Variants in NELL1 observed in about 807,000 individuals in gnomAD.
NELL1 encodes protein kinase C-binding protein NELL1.
In NELL1, 76 loss-of-function variants were observed where a neutral mutation model predicts 107.4. The ratio of observed to expected loss-of-function variants is 0.71; its 90% CI spans 0.59 to 0.86. The LOEUF is 0.86. Ranked by LOEUF, NELL1 falls within the 40% of genes least tolerant of loss-of-function variation. The probability of loss-of-function intolerance (pLI) is 0.00; values close to 1 mark genes in which losing one functional copy is unlikely to be tolerated. For missense variants in NELL1, 1,024 were observed against 1,005.5 expected, an observed-to-expected ratio of 1.02 and a Z score of -0.25; for synonymous variants, 353 against 341.2, an observed-to-expected ratio of 1.03 and a Z score of -0.38.
At chr11:21,335,612 C>A (rs542936184) in intron 14 of NELL1, among the ~76,000 whole-genome samples, 42 of 152,120 alleles carry the variant, frequency 2.8e-4, no homozygotes, top group Non-Finnish European at 5.6e-4. Flanking sequence ...GCAGATGGAT[C>A]CCCACTGTCA....
intron 14 of NELL1, among the ~76,000 whole-genome samples, chr11:21,246,932 A>G (rs1198363285): frequency 6.6e-6 from 1 of 152,206 alleles, no homozygotes; most frequent in Admixed American, 6.5e-5. Flanking sequence ...AACCGCCCCC[A>G]TGATTCAATT....
intron 4 of NELL1, among the ~76,000 whole-genome samples, chr11:20,855,008 A>G (rs549652307): frequency 1.3e-5 from 2 of 152,342 alleles, no homozygotes; most frequent in East Asian, 3.9e-4. Flanking sequence ...TGACCATTAC[A>G]GTGTTGGATA....
chr11:20,706,218 A>G (rs540048827), intron 2 of NELL1, among the ~76,000 whole-genome samples: 5 of 152,274 alleles, frequency 3.3e-5, no homozygotes, highest in African/African-American at 9.6e-5. Flanking sequence ...ACATGCACAC[A>G]TATGTTTATT....
intron 3 of NELL1, among the ~76,000 whole-genome samples, chr11:20,838,108 C>T (rs1848565504): frequency 6.6e-6 from 1 of 151,804 alleles, no homozygotes; most frequent in Non-Finnish European, 1.5e-5. Flanking sequence ...AGAATGCATT[C>T]TTAGATACGA....
chr11:21,452,179 C>T (rs1853604447), intron 15 of NELL1, among the ~76,000 whole-genome samples: 1 of 53,286 alleles, frequency 1.9e-5, no homozygotes, highest in Non-Finnish European at 3.5e-5. Context: ...GAGATTTTCA[C>T]ATATAAAATC....
chr11:20,688,180 CT>C (rs143780997), intron 2 of NELL1, among the ~76,000 whole-genome samples: 31,614 of 151,460 alleles, frequency 0.21, 3,600 homozygotes, highest in African/African-American at 0.27. Flanking sequence ...TGAGAGAGAA[CT>C]TTTTTTTTAT....
chr11:20,716,902 T>C (rs1216433206), intron 2 of NELL1, among the ~76,000 whole-genome samples: 1 of 147,922 alleles, frequency 6.8e-6, no homozygotes, highest in Non-Finnish European at 1.5e-5. Flanking sequence ...CAAAATTATC[T>C]AAATGGCATA....
At chr11:21,016,633 G>A (rs746461904) in intron 12 of NELL1, among the ~76,000 whole-genome samples, 6 of 151,958 alleles carry the variant, frequency 3.9e-5, no homozygotes, top group Non-Finnish European at 5.9e-5. Flanking sequence ...CCCACCAGCC[G>A]ATAAACTCCT....
intron 13 of NELL1, among the ~76,000 whole-genome samples, chr11:21,119,331 A>G (rs1001165240): frequency 1.3e-5 from 2 of 151,318 alleles, no homozygotes; most frequent in Non-Finnish European, 2.9e-5. Flanking sequence ...AAGGCAATGC[A>G]TTACACAGAA....
chr11:20,738,958 G>A (rs1256406752), intron 2 of NELL1, among the ~76,000 whole-genome samples: 2 of 152,240 alleles, frequency 1.3e-5, no homozygotes, highest in Admixed American at 6.5e-5. Flanking sequence ...AGAGATACAA[G>A]TAGGGCTCTT....
At chr11:21,287,808 ACTAT>A (rs1849158410) in intron 14 of NELL1, among the ~76,000 whole-genome samples, 1 of 148,318 alleles carries the variant, frequency 6.7e-6, no homozygotes, top group Admixed American at 6.9e-5. Context: ...CTCTATATAC[ACTAT>A]CTAGTATTTA....
intron 14 of NELL1, among the ~76,000 whole-genome samples, chr11:21,342,666 AAAAAG>A (rs1565178368): frequency 4.7e-5 from 7 of 148,580 alleles, no homozygotes; most frequent in African/African-American, 1.7e-4. Context: ...AAAGAAAAAG[AAAAAG>A]AAAAGAAAGA....
chr11:21,294,730 G>A (rs1849339244), intron 14 of NELL1, among the ~76,000 whole-genome samples: 1 of 151,988 alleles, frequency 6.6e-6, no homozygotes, highest in South Asian at 2.1e-4. Context: ...ACCTTTAAAA[G>A]TCAAAGGGTT....
chr11:20,755,864 GGTTTTTTTTTTTTTTTTTTTTT>G lies in NELL1; in HGVS notation c.185-27815_185-27794del, dbSNP rs1380103256. 1.0e-3 allele frequency among the ~76,000 whole-genome samples: 112 copies of G among 110,812 alleles called. 2 individuals carry two copies. Among genetic ancestry groups the G allele is most frequent in the Admixed American group, 1.8e-3 (19 of 10,648 alleles). The allele number at this position is 110,812 out of a possible 152,430, so 72.7% of individuals were successfully genotyped here. On this transcript the variant is annotated intron_variant, in intron 2 of 19. Coordinates refer to ENST00000357134, the MANE Select transcript of NELL1 (RefSeq NM_006157.5). The stretch of plus-strand genomic sequence containing the variant: ...AGCCACCACGCCCAGCCAGACCTGC[GGTTTTTTTTTTTTTTTTTTTTT>G]TTTTTTTTTTTTTTTTTTTTTTATG...
chr11:21,272,796 C>T (rs1848768340), intron 14 of NELL1, among the ~76,000 whole-genome samples: 1 of 152,200 alleles, frequency 6.6e-6, no homozygotes, highest in Admixed American at 6.5e-5. Flanking sequence ...CAAAGAGGGC[C>T]TGGAGGGGAC....
At chr11:21,074,864 GT>G (rs1854098225) in intron 12 of NELL1, among the ~76,000 whole-genome samples, 1 of 152,198 alleles carries the variant, frequency 6.6e-6, no homozygotes, top group Non-Finnish European at 1.5e-5. Context: ...CTGATTTTCA[GT>G]AGTGTCAATG....
At chr11:21,123,645 G>T (rs1855423380) in intron 13 of NELL1, among the ~76,000 whole-genome samples, 1 of 151,980 alleles carries the variant, frequency 6.6e-6, no homozygotes, top group African/African-American at 2.4e-5. Context: ...CTTTCTTGAG[G>T]CTAACTTGAC....
At chr11:20,947,882 A>G (rs753389328) in intron 11 of NELL1, among the ~76,000 whole-genome samples, 6 of 152,132 alleles carry the variant, frequency 3.9e-5, no homozygotes, top group Non-Finnish European at 5.9e-5. Flanking sequence ...ATCCTTACTC[A>G]TAGGTTAGAT....
chr11:21,303,621 C>T (rs1025030590), intron 14 of NELL1, among the ~76,000 whole-genome samples: 5 of 152,032 alleles, frequency 3.3e-5, no homozygotes, highest in African/African-American at 1.2e-4. Flanking sequence ...AGATCTAAAA[C>T]TAGAACTACC....
Sources: allele counts gnomAD v4.1 joint callset (sites outside exome capture counted in the v4.1 genomes callset), GRCh38; gene constraint gnomAD v4.1.1; transcripts MANE v1.5; gene names NCBI Gene and HGNC (gene_info 2026-07-23, HGNC 2026-07-21).